The following MYO16 variants were observed in gnomAD, a reference collection of about 807,000 sequenced individuals.
MYO16 encodes the protein unconventional myosin-XVI.
A neutral mutation model predicts 205.3 loss-of-function variants in MYO16; 94 were observed. The observed-to-expected ratio is 0.46, with a 90% CI of 0.39 to 0.54. MYO16 has a LOEUF of 0.54. Ranked by LOEUF, MYO16 falls within the 20% of genes least tolerant of loss-of-function variation. MYO16 has a pLI of 0.00. For synonymous variants in MYO16, 988 were observed against 954.0 expected, an observed-to-expected ratio of 1.04 and a Z score of -0.66; for missense variants, 2,315 against 2,387.5, an observed-to-expected ratio of 0.97 and a Z score of 0.63.
At chr13:108,988,743 A>G (rs1478093511) in intron 20 of MYO16, among the ~76,000 whole-genome samples, 2 of 152,194 alleles carry the variant, frequency 1.3e-5, no homozygotes, top group Non-Finnish European at 2.9e-5. Flanking sequence ...TCAAAACAAT[A>G]TGCCATGATT....
intron 27 of MYO16, among the ~76,000 whole-genome samples, chr13:109,087,338 G>A (rs944350687): frequency 3.9e-5 from 6 of 152,118 alleles, no homozygotes; most frequent in African/African-American, 7.2e-5. Flanking sequence ...AAAATTATTG[G>A]CATTAGCCAC....
intron 27 of MYO16, among the ~76,000 whole-genome samples, chr13:109,093,267 G>T (rs1594078819): frequency 6.6e-6 from 1 of 152,156 alleles, no homozygotes; most frequent in Non-Finnish European, 1.5e-5. Context: ...GAGGCAAATG[G>T]AGCGTCTAAC....
intron 11 of MYO16, among the ~76,000 whole-genome samples, chr13:108,860,651 A>G (rs1341817262): frequency 1.3e-5 from 2 of 152,180 alleles, no homozygotes; most frequent in Admixed American, 1.3e-4. Context: ...CACATCTGTG[A>G]CCATCTGTTC....
At chr13:108,826,691 C>A (rs1182719282) in intron 9 of MYO16, among the ~76,000 whole-genome samples, 1 of 151,942 alleles carries the variant, frequency 6.6e-6, no homozygotes, top group Non-Finnish European at 1.5e-5. Flanking sequence ...AATAAAAAGA[C>A]AAATAACTCC....
At chr13:108,850,688 A>G (rs1273173873) in intron 10 of MYO16, among the ~76,000 whole-genome samples, 1 of 152,182 alleles carries the variant, frequency 6.6e-6, no homozygotes, top group Non-Finnish European at 1.5e-5. Context: ...TGAAATCTAT[A>G]AAGAATCTGC....
chr13:109,067,598 A>T (rs1389644515), intron 27 of MYO16, among the ~76,000 whole-genome samples: 1 of 152,196 alleles, frequency 6.6e-6, no homozygotes, highest in Non-Finnish European at 1.5e-5. Context: ...GCACAGGCAC[A>T]TCAGGACGGC....
intron 34 of MYO16, among the ~76,000 whole-genome samples, chr13:109,191,154 G>A (rs1247795644): frequency 6.6e-6 from 1 of 152,090 alleles, no homozygotes; most frequent in Admixed American, 6.5e-5. Context: ...CAGAGGCAGA[G>A]GTTGCGGTGA....
the MYO16 span, among the ~76,000 whole-genome samples, chr13:108,557,241 T>A: frequency 6.6e-6 from 1 of 152,214 alleles, no homozygotes; most frequent in Non-Finnish European, 1.5e-5. Flanking sequence ...CTTAACAATA[T>A]TAATTTTTCC....
At chr13:109,117,424 A>G (rs1476757007) in intron 28 of MYO16, among the ~76,000 whole-genome samples, 2 of 134,582 alleles carry the variant, frequency 1.5e-5, no homozygotes, top group Non-Finnish European at 3.2e-5. Context: ...ATATATGTAT[A>G]TGTGTATATA....
chr13:108,887,267 A>G (rs1466657848), intron 13 of MYO16, among the ~76,000 whole-genome samples: 1 of 152,220 alleles, frequency 6.6e-6, no homozygotes, highest in East Asian at 1.9e-4. Context: ...GGAAGCATCC[A>G]TTAACGACTC....
chr13:108,951,165 A>G (rs1466969676), intron 16 of MYO16, among the ~76,000 whole-genome samples: 1 of 152,210 alleles, frequency 6.6e-6, no homozygotes, highest in Non-Finnish European at 1.5e-5. Flanking sequence ...GAACAAAAAA[A>G]GAAGAAAACG....
Position 108,873,611 on chromosome 13 carries a change from CACCAGGACAGGGTCCAGGCCAACCA to C in MYO16, c.1425+7386_1425+7410del, listed in dbSNP as rs879932532. Among the ~76,000 whole-genome samples, 832 of 151,632 alleles carry C rather than the reference CACCAGGACAGGGTCCAGGCCAACCA, an allele frequency of 5.5e-3. 22 individuals carry two copies. The highest frequency in any genetic ancestry group is 0.043 in the Admixed American group (653 of 15,232). ...CAACCGGGACAGGGTCCATGCCAACCACCAGGACAGGGTCCAGGCCAACCAACCAGGACAGGGTCCATGCCAACCA... is the reference window on the plus strand; with the variant it reads ...CAACCGGGACAGGGTCCATGCCAACCACCAGGACAGGGTCCATGCCAACCA... On this transcript the variant is annotated intron_variant, in intron 12 of 34. Transcript: ENST00000457511.
chr13:108,556,128 A>G, the MYO16 span, among the ~76,000 whole-genome samples: 2 of 152,016 alleles, frequency 1.3e-5, no homozygotes, highest in African/African-American at 4.8e-5. Flanking sequence ...TCTTTGACAC[A>G]CTGACTTTAT....
At chr13:108,920,383 T>C (rs1287190846) in intron 16 of MYO16, among the ~76,000 whole-genome samples, 2 of 151,552 alleles carry the variant, frequency 1.3e-5, no homozygotes, top group Admixed American at 1.3e-4. Context: ...TTTCCTTCTC[T>C]CTCTCTCCTT....
the MYO16 span, among the ~76,000 whole-genome samples, chr13:108,525,879 G>C: frequency 7.9e-5 from 12 of 151,434 alleles, no homozygotes; most frequent in African/African-American, 2.9e-4. Flanking sequence ...TTGAGCAAAT[G>C]ATCCTTTTTT....
intron 29 of MYO16, among the ~76,000 whole-genome samples, chr13:109,124,535 G>A (rs1338638368): frequency 1.3e-5 from 2 of 152,126 alleles, no homozygotes; most frequent in Admixed American, 1.3e-4. Flanking sequence ...TGATTTCAAA[G>A]CATTTTCACT....
At chr13:108,525,144 T>A in the MYO16 span, among the ~76,000 whole-genome samples, 4 of 152,298 alleles carry the variant, frequency 2.6e-5, no homozygotes, top group South Asian at 8.3e-4. Flanking sequence ...CAAAATCACC[T>A]AGGACACCAC....
At position 109,100,814 on chromosome 13, in the gene MYO16, G is replaced by A. The variant is rs140739382; in HGVS notation, c.3365G>A (p.Arg1122His). ...AAGCCACTGGCTGATACATTCCTGCGTGAGAAGAAGGAACAGTCAGCTGCC... is the reference window on the plus strand; with the variant it reads ...AAGCCACTGGCTGATACATTCCTGCATGAGAAGAAGGAACAGTCAGCTGCC... ...RYKPLADTFL[R>H]EKKEQSAAER... The change falls in exon 28 of 35, where the codon CGT (arginine) becomes CAT (histidine). Residue 1122 changes from arginine to histidine, a missense_variant. Arg to His is a conservative substitution (Grantham distance 29). This residue lies in a region of MYO16 where 1,097 missense variants were observed against 1,092.0 expected (regional missense o/e 1.00). Coordinates refer to ENST00000457511, the MANE Select transcript of MYO16 (RefSeq NM_001198950.3). 2.7e-4 allele frequency: 432 copies of A among 1,613,568 alleles called. 6 individuals carry two copies. The highest frequency in any genetic ancestry group is 1.7e-3 in the East Asian group (76 of 44,874).
chr13:108,553,828 G>T, the MYO16 span, among the ~76,000 whole-genome samples: 1 of 152,162 alleles, frequency 6.6e-6, no homozygotes, highest in Non-Finnish European at 1.5e-5. Flanking sequence ...CCCACCTGGG[G>T]TCAGTCATCA....
Sources: gnomAD v4.1 joint callset for allele counts (sites outside exome capture counted in the v4.1 genomes callset) on GRCh38, gnomAD v4.1.1 for gene constraint, gnomAD v4.1.1 regional missense constraint, MANE v1.5 for transcripts, NCBI Gene and HGNC (gene_info 2026-07-23, HGNC 2026-07-21) for gene names.